ANP32E: variants seen among roughly 807,000 people sequenced by gnomAD.
The protein encoded by ANP32E is acidic nuclear phosphoprotein 32 family member E.
A neutral mutation model predicts 35.3 loss-of-function variants in ANP32E; 14 were observed. The observed-to-expected ratio is 0.40, with a 90% confidence interval of 0.26 to 0.62. ANP32E has a LOEUF of 0.62. Among genes scored for constraint, ANP32E ranks in the 20% least tolerant of loss-of-function variants. ANP32E has a pLI of 0.45. For missense variants in ANP32E, 198 were observed against 304.4 expected, an observed-to-expected ratio of 0.65 and a Z score of 2.60; for synonymous variants, 89 against 110.4, an observed-to-expected ratio of 0.81 and a Z score of 1.22.
chr1:150,225,999 T>C (rs1553839793), intron 5 of ANP32E, among the ~76,000 whole-genome samples: 3 of 129,254 alleles, frequency 2.3e-5, no homozygotes, highest in African/African-American at 8.5e-5. Flanking sequence ...ATGAGGTTGA[T>C]ATAACCTGTT....
chr1:150,234,742 G>A (rs1274515621), intron 1 of ANP32E: 1 of 909,448 alleles, frequency 1.1e-6, no homozygotes, highest in African/African-American at 1.8e-5. Context: ...AACCCGCGTT[G>A]TCCTCGCGCC....
At chr1:150,225,111 G>A (rs1463088940) in intron 5 of ANP32E, among the ~76,000 whole-genome samples, 1 of 152,208 alleles carries the variant, frequency 6.6e-6, no homozygotes, top group African/African-American at 2.4e-5. Context: ...GAGCTTCAAT[G>A]ATGAGGCAAC....
At chr1:150,225,154 C>G (rs1250111637) in intron 5 of ANP32E, among the ~76,000 whole-genome samples, 1 of 152,162 alleles carries the variant, frequency 6.6e-6, no homozygotes, top group African/African-American at 2.4e-5. Flanking sequence ...TAAGAATTCA[C>G]AAAGCATGAT....
rs587612276 is a variant in ANP32E at position 150,235,924 on chromosome 1, T to A, written c.-138A>T. 1.5e-6 allele frequency: 1 copy of A among 650,098 alleles called. No individual in the cohort carries two copies. Among genetic ancestry groups the A allele is most frequent in the East Asian group, 2.7e-5 (1 of 36,576 alleles). The allele number at this position is 650,098 out of a possible 1,614,324, so 40.3% of individuals were successfully genotyped here. ...ATAAACGCCCACTACCACCACCAGA[T>A]AGGTGTGGGGGAGAAAGAAGAGAAT... On this transcript the variant is annotated 5_prime_UTR_variant, in exon 1 of 7. Transcript: ENST00000583931. The surrounding 1 kb of genome is among the most constrained non-coding windows in gnomAD (Gnocchi z 4.2).
In ANP32E at chr1:150,234,468, A is replaced by G. The variant is rs978562460; in HGVS notation, c.54+1265T>C. 1.3e-5 allele frequency: 6 copies of G among 463,718 alleles called. No homozygotes were observed. The Admixed American group carries it at 3.9e-4, about 30-fold the overall frequency. 28.7% of individuals were successfully genotyped at this position (463,718 alleles called of 1,614,324 possible). A position where few individuals can be genotyped will look rare whatever the true frequency, so the allele number is the denominator to read the frequency against. ...TCTTAGTTGCCACTCCACACGCCGG[A>G]CGCGAAAGCCCAGACAGACCCTGCT... is the stretch of plus-strand genomic sequence containing the variant. On this transcript the variant is annotated intron_variant, in intron 1 of 6. Coordinates refer to ENST00000583931, the MANE Select transcript of ANP32E (RefSeq NM_030920.5).
At position 150,220,585 on chromosome 1, in the gene ANP32E, G is replaced by A; in HGVS notation, c.*106C>T. ...TAAAACCACACTTTTCCTATAAAAA[G>A]TTACACATTATCTTCTGTAGGGATA... On this transcript the variant is annotated 3_prime_UTR_variant, in exon 7 of 7. Transcript: ENST00000583931. 9.4e-7 allele frequency: 1 copy of A among 1,059,904 alleles called. No homozygotes were observed. Among genetic ancestry groups the A allele is most frequent in the Non-Finnish European group, 1.4e-6 (1 of 714,056 alleles). 65.7% of individuals were successfully genotyped at this position (1,059,904 alleles called of 1,614,324 possible).
At chr1:150,223,721 C>CT (rs375032162) in intron 5 of ANP32E, among the ~76,000 whole-genome samples, 128,499 of 128,534 alleles carry the variant, frequency 1, 64,232 homozygotes, top group Middle Eastern at 1. Context: ...AATCTGTAGT[C>CT]TTTTTTTTCT....
At position 150,219,871 on chromosome 1, in the gene ANP32E, T is replaced by A. The variant is rs587768263; in HGVS notation, c.*820A>T. 2.6e-5 allele frequency: 4 copies of A among 152,270 alleles called. No homozygotes were observed. Among genetic ancestry groups the A allele is most frequent in the African/African-American group, 4.8e-5 (2 of 41,560 alleles). 9.4% of individuals were successfully genotyped at this position (152,270 alleles called of 1,614,324 possible). A position where few individuals can be genotyped will look rare whatever the true frequency, so the allele number is the denominator to read the frequency against. ...GTTTCACAAGTTTCCCAAGTTCCTT[T>A]TGAGAGAGCGGGAGGGAGTGAAACA... is the stretch of plus-strand genomic sequence containing the variant. On this transcript the variant is annotated 3_prime_UTR_variant, in exon 7 of 7. Transcript: ENST00000583931.
chr1:150,226,013 T>TTG (rs1298154610), intron 5 of ANP32E, among the ~76,000 whole-genome samples: 1 of 150,684 alleles, frequency 6.6e-6, no homozygotes, highest in East Asian at 1.9e-4. Flanking sequence ...ACCTGTTTTT[T>TTG]TTTTTTTTTT....
rs782260989 is a variant in ANP32E at position 150,229,101 on chromosome 1, G to A, written c.464C>T (p.Ala155Val). 3 of 1,613,040 alleles carry A rather than the reference G, an allele frequency of 1.9e-6. No homozygotes were observed. The highest frequency in any genetic ancestry group is 1.7e-6 in the Non-Finnish European group (2 of 1,179,780). Residue 155 changes from alanine to valine, a missense_variant, in exon 4 of 7, where the codon GCG becomes GTG. Ala to Val is a moderately conservative substitution (Grantham distance 64). This residue lies in a region of ANP32E where 121 missense variants were observed against 137.3 expected (regional missense o/e 0.88). Transcript: ENST00000583931. ...LDGFDQEDNE[A>V]PDSEEEDDED... ...ATCATCCTCCTCTTCAGAGTCCGGCGCTTCATTATCCTCCTGATCAAATCC... is the reference window on the plus strand; with the variant it reads ...ATCATCCTCCTCTTCAGAGTCCGGCACTTCATTATCCTCCTGATCAAATCC...
intron 6 of ANP32E, among the ~76,000 whole-genome samples, chr1:150,222,333 G>A (rs1648484842): frequency 6.6e-6 from 1 of 151,268 alleles, no homozygotes; most frequent in Admixed American, 6.6e-5. Flanking sequence ...GCAGGAGAAT[G>A]GCGTGAACCC....
chr1:150,222,930 T>C (rs1553838541), intron 6 of ANP32E, among the ~76,000 whole-genome samples: 1 of 151,988 alleles, frequency 6.6e-6, no homozygotes, highest in Non-Finnish European at 1.5e-5. Flanking sequence ...GTTCCATTCA[T>C]CTCTTCATTT....
intron 5 of ANP32E, 123 bp from the exon 6 acceptor site, chr1:150,223,363 A>G: frequency 7.6e-7 from 1 of 1,311,334 alleles, no homozygotes; most frequent in Non-Finnish European, 1.0e-6. Context: ...AACCTCTGCC[A>G]TTCTTATAAA....
intron 2 of ANP32E, 53 bp from the exon 3 acceptor site, chr1:150,230,746 CTTT>C: frequency 8.1e-7 from 1 of 1,238,158 alleles, no homozygotes; most frequent in East Asian, 2.7e-5. Flanking sequence ...TCATATCAAA[CTTT>C]TTTTTTTTTT....
intron 1 of ANP32E, chr1:150,234,472 G>T: frequency 1.9e-6 from 1 of 530,488 alleles, no homozygotes; most frequent in Non-Finnish European, 2.4e-6. Context: ...CGCCGGACGC[G>T]AAAGCCCAGA....
chr1:150,222,418 CAAAAA>C (rs1276330361), intron 6 of ANP32E, among the ~76,000 whole-genome samples: 3 of 145,262 alleles, frequency 2.1e-5, no homozygotes, highest in African/African-American at 5.1e-5. Context: ...GACTCCATCT[CAAAAA>C]AAATAAATAA....
intron 6 of ANP32E, among the ~76,000 whole-genome samples, chr1:150,222,978 T>A (rs935344012): frequency 1.3e-5 from 2 of 151,926 alleles, no homozygotes; most frequent in African/African-American, 4.8e-5. Context: ...TTATGAGTTA[T>A]GAATTAATGA....
intron 5 of ANP32E, 122 bp downstream of exon 5, chr1:150,226,486 T>C: frequency 8.9e-7 from 1 of 1,123,462 alleles, no homozygotes. Flanking sequence ...GACAGGTGGA[T>C]AGACATATGC....
intron 1 of ANP32E, 88 bp from the exon 2 acceptor site, chr1:150,232,014 T>A: frequency 7.7e-7 from 1 of 1,304,612 alleles, no homozygotes; most frequent in African/African-American, 1.5e-5. Flanking sequence ...GGAAATGTAT[T>A]AAAACCACCA....
Sources: allele counts gnomAD v4.1 joint callset (sites outside exome capture counted in the v4.1 genomes callset), GRCh38; gene constraint gnomAD v4.1.1; regional missense constraint gnomAD v4.1.1; non-coding constraint Gnocchi (gnomAD v3.1); transcripts MANE v1.5; gene names NCBI Gene and HGNC (gene_info 2026-07-23, HGNC 2026-07-21).